Variants in NEBL observed in about 807,000 individuals in gnomAD.
NEBL encodes nebulette.
NEBL carries 122 observed loss-of-function variants against 140.2 expected under a neutral mutation model. The ratio of observed to expected loss-of-function variants is 0.87; its 90% CI spans 0.75 to 1.01. The LOEUF (loss-of-function observed/expected upper bound fraction) is 1.01. Among genes scored for constraint, NEBL ranks in the 50% least tolerant of loss-of-function variants. The pLI is 0.00. For synonymous variants in NEBL, 436 were observed against 398.9 expected, an observed-to-expected ratio of 1.09 and a Z score of -1.11; for missense variants, 1,365 against 1,231.3, an observed-to-expected ratio of 1.11 and a Z score of -1.62.
intron 1 of NEBL, 35 bp from the exon 2 acceptor site, chr10:20,897,064 T>C (rs1472163192): frequency 6.2e-7 from 1 of 1,605,332 alleles, no homozygotes; most frequent in Admixed American, 1.7e-5. Context: ...AGAAAGAACA[T>C]TTTTCTCATT....
chr10:20,963,069 G>T (rs543009532), intron 3 of NEBL, among the ~76,000 whole-genome samples: 203 of 149,004 alleles, frequency 1.4e-3, no homozygotes, highest in African/African-American at 4.9e-3. Flanking sequence ...TACTCTCATC[G>T]CTTTTAGCTT....
intron 26 of NEBL, among the ~76,000 whole-genome samples, chr10:20,792,976 G>C (rs925277008): frequency 6.6e-6 from 1 of 152,106 alleles, no homozygotes; most frequent in Non-Finnish European, 1.5e-5. Flanking sequence ...CAAGACATAA[G>C]TGGGAGTTAA....
intron 2 of NEBL, chr10:21,030,089 T>A (rs2131802219): frequency 4.2e-6 from 2 of 473,240 alleles, no homozygotes; most frequent in East Asian, 9.7e-5. Flanking sequence ...TTATTTTGTC[T>A]TTGGAGGGGC....
At chr10:21,255,653 C>T (rs1842648505) in intron 1 of NEBL, among the ~76,000 whole-genome samples, 2 of 152,130 alleles carry the variant, frequency 1.3e-5, no homozygotes, top group South Asian at 4.2e-4. Context: ...GAATATTCCC[C>T]CTTAACTATG....
intron 2 of NEBL, among the ~76,000 whole-genome samples, chr10:21,126,974 CAA>C (rs55883304): frequency 0.16 from 10,230 of 63,978 alleles, 697 homozygotes; most frequent in African/African-American, 0.33. Flanking sequence ...GACCCTGTAT[CAA>C]AAAAAAAAAA....
At chr10:21,191,415 G>A (rs911066588) in intron 3 of NEBL, among the ~76,000 whole-genome samples, 2 of 152,190 alleles carry the variant, frequency 1.3e-5, no homozygotes, top group Non-Finnish European at 2.9e-5. Context: ...CAGACCATCT[G>A]GCTTTGGAGT....
chr10:20,887,826 G>GT (rs1217828688), intron 4 of NEBL, among the ~76,000 whole-genome samples: 1 of 152,130 alleles, frequency 6.6e-6, no homozygotes, highest in East Asian at 1.9e-4. Context: ...TTTCATCCAT[G>GT]TAAGCTGTCT....
intron 2 of NEBL, among the ~76,000 whole-genome samples, chr10:21,158,044 T>C (rs543382511): frequency 6.6e-6 from 1 of 152,262 alleles, no homozygotes; most frequent in Non-Finnish European, 1.5e-5. Context: ...GGACTTTTAG[T>C]CTCTAGAACT....
At chr10:21,140,024 G>A (rs1437072117) in intron 2 of NEBL, among the ~76,000 whole-genome samples, 1 of 151,680 alleles carries the variant, frequency 6.6e-6, no homozygotes, top group Non-Finnish European at 1.5e-5. Context: ...AATTAGGCGT[G>A]GTTTCAGGTG....
chr10:21,069,714 G>A (rs570106844), intron 2 of NEBL, among the ~76,000 whole-genome samples: 1 of 152,280 alleles, frequency 6.6e-6, no homozygotes, highest in East Asian at 1.9e-4. Context: ...CCAGGGTGAG[G>A]ATAGAAATCT....
At chr10:20,850,904 G>A (rs920048720) in intron 10 of NEBL, among the ~76,000 whole-genome samples, 1 of 152,146 alleles carries the variant, frequency 6.6e-6, no homozygotes, top group African/African-American at 2.4e-5. Flanking sequence ...TCAAGAACAA[G>A]AAAGAAAACA....
chr10:21,056,047 T>C (rs1020426945), intron 2 of NEBL, among the ~76,000 whole-genome samples: 3 of 151,976 alleles, frequency 2.0e-5, no homozygotes, highest in African/African-American at 4.8e-5. Flanking sequence ...AACATTAGAG[T>C]AGAGTGAAAT....
intron 2 of NEBL, among the ~76,000 whole-genome samples, chr10:21,054,214 G>T (rs1461809180): frequency 2.6e-5 from 4 of 152,098 alleles, no homozygotes; most frequent in African/African-American, 7.2e-5. Context: ...GTGGTTTGGG[G>T]TCCACGTACC....
intron 2 of NEBL, among the ~76,000 whole-genome samples, chr10:21,099,894 C>T (rs1300174125): frequency 6.6e-6 from 1 of 152,198 alleles, no homozygotes; most frequent in Non-Finnish European, 1.5e-5. Context: ...TTCTGAACAT[C>T]TTTGTAAACA....
intron 2 of NEBL, chr10:21,029,372 G>C: frequency 1.2e-6 from 2 of 1,611,570 alleles, no homozygotes; most frequent in East Asian, 2.2e-5. Context: ...AGTGCAGTGC[G>C]TTTACCACGT....
At chr10:21,053,856 AG>A (rs963445064) in intron 2 of NEBL, among the ~76,000 whole-genome samples, 5 of 152,122 alleles carry the variant, frequency 3.3e-5, no homozygotes, top group African/African-American at 1.2e-4. Context: ...AATGTGGTGA[AG>A]CCCAGTCACT....
intron 3 of NEBL, among the ~76,000 whole-genome samples, chr10:21,004,561 A>G (rs1260181124): frequency 6.6e-6 from 1 of 152,126 alleles, no homozygotes; most frequent in Admixed American, 6.5e-5. Flanking sequence ...TCTACTAAAA[A>G]TACAAAAAAT....
intron 26 of NEBL, among the ~76,000 whole-genome samples, chr10:20,802,977 C>A (rs1837260619): frequency 6.6e-6 from 1 of 152,126 alleles, no homozygotes; most frequent in South Asian, 2.1e-4. Flanking sequence ...TAAATGACCC[C>A]TTTGATAACC....
intron 1 of NEBL, among the ~76,000 whole-genome samples, chr10:21,286,796 G>A (rs111563231): frequency 0.11 from 15,979 of 151,748 alleles, 1,031 homozygotes; most frequent in African/African-American, 0.17. Flanking sequence ...CCGAGATGGC[G>A]CCACTGCGCT....
Sources: gnomAD v4.1 joint callset for allele counts (sites outside exome capture counted in the v4.1 genomes callset) on GRCh38, gnomAD v4.1.1 for gene constraint, MANE v1.5 for transcripts, NCBI Gene and HGNC (gene_info 2026-07-23, HGNC 2026-07-21) for gene names.